Variants in CHCHD6 observed in about 807,000 individuals in gnomAD.
CHCHD6 encodes MICOS complex subunit MIC25.
CHCHD6 carries 28 observed loss-of-function variants against 32.3 expected under a neutral mutation model. The observed-to-expected ratio is 0.87, with a 90% CI of 0.64 to 1.19. The LOEUF is 1.19. CHCHD6 is among the 50% of genes most tolerant of loss of function. CHCHD6 has a pLI of 0.00. For missense variants in CHCHD6, 333 were observed against 307.0 expected (o/e 1.08, Z -0.63); for synonymous variants, 122 against 117.5 (o/e 1.04, Z -0.25).
intron 5 of CHCHD6, among the ~76,000 whole-genome samples, chr3:126,864,725 TCTC>T (rs1942181924): frequency 2.1e-5 from 2 of 97,376 alleles, no homozygotes; most frequent in African/African-American, 4.1e-5. Context: ...TCCACCATCA[TCTC>T]CTCTTCCTCC....
intron 4 of CHCHD6, among the ~76,000 whole-genome samples, chr3:126,788,646 G>GT (rs200290842): frequency 0.03 from 4,585 of 152,218 alleles, 97 homozygotes; most frequent in Non-Finnish European, 0.039. Flanking sequence ...ATGGTAGTTT[G>GT]TATTTCTGTG....
At chr3:126,783,201 G>T (rs545307916) in intron 4 of CHCHD6, among the ~76,000 whole-genome samples, 3 of 152,224 alleles carry the variant, frequency 2.0e-5, no homozygotes, top group African/African-American at 7.2e-5. Context: ...ATTTCACCTA[G>T]CATAATGTCA....
At chr3:126,897,225 C>T (rs764894067) in intron 5 of CHCHD6, among the ~76,000 whole-genome samples, 28 of 152,330 alleles carry the variant, frequency 1.8e-4, no homozygotes, top group Non-Finnish European at 3.5e-4. Context: ...CTCTATTCAT[C>T]GAGGCTGGCC....
At chr3:126,796,383 C>A (rs1381678933) in intron 4 of CHCHD6, among the ~76,000 whole-genome samples, 1 of 152,158 alleles carries the variant, frequency 6.6e-6, no homozygotes, top group Admixed American at 6.5e-5. Context: ...TCAGTGAAAT[C>A]AGTCAATCAA....
intron 4 of CHCHD6, among the ~76,000 whole-genome samples, chr3:126,775,005 T>C (rs1284202292): frequency 6.6e-6 from 1 of 152,206 alleles, no homozygotes; most frequent in Admixed American, 6.5e-5. Flanking sequence ...CTGAGGCTCC[T>C]AGCCACACTG....
At chr3:126,807,452 C>A (rs1396400102) in intron 4 of CHCHD6, among the ~76,000 whole-genome samples, 1 of 151,556 alleles carries the variant, frequency 6.6e-6, no homozygotes, top group African/African-American at 2.4e-5. Flanking sequence ...AATAGAAGGG[C>A]TAGAAAGTAG....
rs1553723717 is a variant in CHCHD6 at position 126,717,785 on chromosome 3, G to GTGTT, written c.88-9291_88-9290insTTTG. Reference sequence around the variant, plus strand: ...TGCTGAGGGGTGTGTGTGTGTGTGTGTGGCTTAGATTGAGGCTTGGGCCTC... The same window carrying GTGTT: ...TGCTGAGGGGTGTGTGTGTGTGTGTGTGTTTGGCTTAGATTGAGGCTTGGGCCTC... On this transcript the variant is annotated intron_variant, in intron 1 of 7. Transcript: ENST00000290913. Among the ~76,000 whole-genome samples the GTGTT allele has an allele frequency of 1.3e-3, 197 of 152,040 alleles. 2 individuals are homozygous for GTGTT. In the East Asian group the frequency reaches 0.03, roughly 23 times the overall value.
chr3:126,880,468 G>C (rs542114316), intron 5 of CHCHD6, among the ~76,000 whole-genome samples: 20 of 152,206 alleles, frequency 1.3e-4, no homozygotes, highest in East Asian at 1.2e-3. Flanking sequence ...CACCCACAAA[G>C]ACAGAGTCAC....
At chr3:126,862,474 T>C (rs1485063788) in intron 5 of CHCHD6, among the ~76,000 whole-genome samples, 2 of 67,960 alleles carry the variant, frequency 2.9e-5, no homozygotes, top group Non-Finnish European at 2.9e-5. Context: ...CATCACCACC[T>C]CCTCCTCTTC....
chr3:126,720,125 A>C (rs1346112286), intron 1 of CHCHD6, among the ~76,000 whole-genome samples: 1 of 152,054 alleles, frequency 6.6e-6, no homozygotes, highest in African/African-American at 2.4e-5. Flanking sequence ...CAGGTGATCC[A>C]CCTGCCTCGG....
intron 4 of CHCHD6, among the ~76,000 whole-genome samples, chr3:126,830,807 A>C (rs1940606645): frequency 6.6e-6 from 1 of 152,160 alleles, no homozygotes; most frequent in Non-Finnish European, 1.5e-5. Flanking sequence ...TGTTACTCAG[A>C]GGACAGCATC....
intron 4 of CHCHD6, among the ~76,000 whole-genome samples, chr3:126,824,533 C>T (rs985435966): frequency 9.6e-6 from 1 of 104,286 alleles, no homozygotes; most frequent in African/African-American, 4.0e-5. Flanking sequence ...TGCACTCCAG[C>T]CTAGGTGATA....
intron 4 of CHCHD6, among the ~76,000 whole-genome samples, chr3:126,804,679 A>G (rs1277538405): frequency 6.6e-6 from 1 of 152,214 alleles, no homozygotes; most frequent in Non-Finnish European, 1.5e-5. Flanking sequence ...AAAAGAGGGA[A>G]TTCTCCCTAA....
chr3:126,715,611 A>T (rs920271142), intron 1 of CHCHD6, among the ~76,000 whole-genome samples: 2 of 152,074 alleles, frequency 1.3e-5, no homozygotes, highest in East Asian at 3.9e-4. Context: ...TTGCCTGTGG[A>T]ACAGAGCTGC....
intron 7 of CHCHD6, chr3:126,957,754 G>A (rs1484388690): frequency 6.0e-6 from 4 of 662,192 alleles, no homozygotes; most frequent in Admixed American, 2.3e-5. Context: ...GAGCGCCTTG[G>A]ACATCTGGCC....
chr3:126,840,432 A>T (rs1221043768), intron 4 of CHCHD6, among the ~76,000 whole-genome samples: 3 of 152,190 alleles, frequency 2.0e-5, no homozygotes, highest in Non-Finnish European at 4.4e-5. Context: ...TTTAGAAAGA[A>T]CTCTGACAGT....
chr3:126,950,210 T>C (rs1300722755), intron 6 of CHCHD6, among the ~76,000 whole-genome samples: 1 of 152,012 alleles, frequency 6.6e-6, no homozygotes, highest in Non-Finnish European at 1.5e-5. Flanking sequence ...AAGGGAAGGC[T>C]TCAGAGAGGC....
At chr3:126,871,705 G>A (rs944659659) in intron 5 of CHCHD6, among the ~76,000 whole-genome samples, 3 of 126,884 alleles carry the variant, frequency 2.4e-5, no homozygotes, top group Non-Finnish European at 3.1e-5. Flanking sequence ...TCACTCTGTC[G>A]CCCAGGCTGG....
At chr3:126,804,509 C>G (rs1320916080) in intron 4 of CHCHD6, among the ~76,000 whole-genome samples, 1 of 152,098 alleles carries the variant, frequency 6.6e-6, no homozygotes, top group Non-Finnish European at 1.5e-5. Flanking sequence ...CAAGACTAAA[C>G]CAGGAAGAAG....
Sources: gnomAD v4.1 joint callset for allele counts (sites outside exome capture counted in the v4.1 genomes callset) on GRCh38, gnomAD v4.1.1 for gene constraint, MANE v1.5 for transcripts, NCBI Gene and HGNC (gene_info 2026-07-23, HGNC 2026-07-21) for gene names.